The following FRMPD1 variants were observed in gnomAD, a reference collection of about 807,000 sequenced individuals.
The protein encoded by FRMPD1 is FERM and PDZ domain-containing protein 1.
In FRMPD1, 76 loss-of-function variants were observed where a neutral mutation model predicts 117.8. The ratio of observed to expected loss-of-function variants is 0.65; its 90% confidence interval spans 0.54 to 0.78. The LOEUF is 0.78. Ranked by LOEUF, FRMPD1 falls within the 30% of genes least tolerant of loss-of-function variation. FRMPD1 has a pLI of 0.00. For synonymous variants in FRMPD1, 783 were observed against 770.4 expected (o/e 1.02, Z -0.27); for missense variants, 1,786 against 1,964.5 (o/e 0.91, Z 1.72).
chr9:37,746,324 A>C lies in FRMPD1; in HGVS notation c.4292A>C (p.Glu1431Ala). Residue 1431 changes from glutamate to alanine, a missense_variant, in exon 16 of 16, where the codon GAG becomes GCG. By Grantham distance (107) the Glu-to-Ala change is moderately radical. Coordinates refer to ENST00000377765, the MANE Select transcript of FRMPD1 (RefSeq NM_014907.3). The part of the protein sequence containing the change: ...GFIQLMESLL[E>A]LQDILETSWG... ...ATCCAACTCATGGAGAGCTTGCTGG[A>C]GCTACAAGACATTTTAGAAACTTCC... is the stretch of plus-strand genomic sequence containing the variant. 6.2e-7 allele frequency: 1 copy of C among 1,612,760 alleles called. No homozygotes were observed. The highest frequency in any genetic ancestry group is 8.5e-7 in the Non-Finnish European group (1 of 1,179,782).
At chr9:37,615,426 C>T in the FRMPD1 span, among the ~76,000 whole-genome samples, 1 of 151,952 alleles carries the variant, frequency 6.6e-6, no homozygotes. Flanking sequence ...ATTTTCTTAG[C>T]TCGTCAACCT....
At chr9:37,666,666 C>T (rs1316819497) in intron 1 of FRMPD1, among the ~76,000 whole-genome samples, 1 of 152,216 alleles carries the variant, frequency 6.6e-6, no homozygotes, top group South Asian at 2.1e-4. Context: ...ACCAAACTCC[C>T]AGGTGTTCTA....
At chr9:37,647,811 C>T (rs1824169994), upstream of FRMPD1, among the ~76,000 whole-genome samples, 1 of 152,088 alleles carries the variant, frequency 6.6e-6, no homozygotes, top group African/African-American at 2.4e-5. Flanking sequence ...TATTTTTGAC[C>T]AGGATTTAAA....
Position 37,664,088 on chromosome 9 carries a change from AC to A in FRMPD1, c.-5+12995del, listed in dbSNP as rs558891820. On this transcript the variant is annotated intron_variant, in intron 1 of 15. Transcript: ENST00000377765. ...GAGCTATCACCTGAATAAATGAATA[AC>A]TGAATAAATGACTGATTATTAGGTT... Among the ~76,000 whole-genome samples, 297 of 152,234 alleles carry A rather than the reference AC, an allele frequency of 2.0e-3. 2 individuals carry two copies. The highest frequency in any genetic ancestry group is 6.7e-3 in the African/African-American group (280 of 41,534).
chr9:37,610,318 TA>T, the FRMPD1 span, among the ~76,000 whole-genome samples: 1 of 152,358 alleles, frequency 6.6e-6, no homozygotes, highest in South Asian at 2.1e-4. Flanking sequence ...CTCTTTTTTT[TA>T]CTTCAGTATC....
At chr9:37,686,013 A>G (rs1821928920) in intron 1 of FRMPD1, among the ~76,000 whole-genome samples, 1 of 152,198 alleles carries the variant, frequency 6.6e-6, no homozygotes, top group Non-Finnish European at 1.5e-5. Flanking sequence ...AGTCTTCTCC[A>G]TTTACAAAAT....
intron 4 of FRMPD1, among the ~76,000 whole-genome samples, chr9:37,709,362 CT>C (rs199672511): frequency 1.3e-5 from 2 of 149,066 alleles, no homozygotes; most frequent in South Asian, 2.1e-4. Context: ...TTTTTTTTCC[CT>C]TTTTTTTTGA....
At chr9:37,679,987 C>T (rs2117916883) in intron 1 of FRMPD1, among the ~76,000 whole-genome samples, 1 of 152,316 alleles carries the variant, frequency 6.6e-6, no homozygotes, top group South Asian at 2.1e-4. Flanking sequence ...CAGCCCTTTC[C>T]CACACCCTTT....
chr9:37,686,126 G>A (rs1171005808), intron 1 of FRMPD1, among the ~76,000 whole-genome samples: 7 of 152,206 alleles, frequency 4.6e-5, no homozygotes, highest in Non-Finnish European at 8.8e-5. Context: ...CCAAGTTGAT[G>A]TGTGCTCTAA....
the FRMPD1 span, among the ~76,000 whole-genome samples, chr9:37,644,843 C>G: frequency 1.3e-5 from 2 of 152,082 alleles, no homozygotes; most frequent in Non-Finnish European, 1.5e-5. Context: ...TGGTGTTTTA[C>G]AAACTGAAAA....
chr9:37,610,140 G>C, the FRMPD1 span, among the ~76,000 whole-genome samples: 4 of 152,194 alleles, frequency 2.6e-5, no homozygotes, highest in Non-Finnish European at 1.5e-5. Context: ...TAGAATGTCA[G>C]CTCCATGAAT....
intron 11 of FRMPD1, 58 bp from the exon 12 acceptor site, chr9:37,733,672 C>T (rs963157872): frequency 3.9e-5 from 63 of 1,595,664 alleles, no homozygotes; most frequent in African/African-American, 8.1e-5. Flanking sequence ...TTCAACACTG[C>T]CTGGATTTTA....
At chr9:37,676,658 C>G (rs1217503159) in intron 1 of FRMPD1, among the ~76,000 whole-genome samples, 3 of 152,104 alleles carry the variant, frequency 2.0e-5, no homozygotes, top group African/African-American at 7.2e-5. Flanking sequence ...ATTAAGACAG[C>G]CAGAGTGGCC....
chr9:37,628,368 A>G, the FRMPD1 span, among the ~76,000 whole-genome samples: 1 of 152,202 alleles, frequency 6.6e-6, no homozygotes, highest in Non-Finnish European at 1.5e-5. Flanking sequence ...GACAAAAGAG[A>G]ACTTGTAAAC....
At chr9:37,619,030 T>G in the FRMPD1 span, among the ~76,000 whole-genome samples, 5 of 152,176 alleles carry the variant, frequency 3.3e-5, no homozygotes, top group Non-Finnish European at 7.3e-5. Flanking sequence ...AGCACAGGAT[T>G]TATGTGGAGT....
chr9:37,688,118 A>G (rs1822010987), intron 1 of FRMPD1, among the ~76,000 whole-genome samples: 1 of 151,886 alleles, frequency 6.6e-6, no homozygotes, highest in Admixed American at 6.6e-5. Context: ...TGATGGATTT[A>G]TGTGTGATAT....
In FRMPD1 at chr9:37,732,361, C is replaced by T; in HGVS notation, c.916C>T (p.Leu306Phe). Residue 306 changes from leucine to phenylalanine, a missense_variant, in exon 10 of 16, where the codon CTC becomes TTC. Physicochemically the swap from Leu to Phe is conservative, Grantham distance 22. Transcript: ENST00000377765. ...TGTAGAAATGAAATGTAGCTCTGCA[C>T]TCCGACTCGCGGCTCTGCACATCCA... The part of the protein sequence containing the change: ...FAVEMKCSSA[L>F]RLAALHIQER... 6.2e-7 allele frequency: 1 copy of T among 1,613,862 alleles called. No homozygotes were observed. Among genetic ancestry groups the T allele is most frequent in the Non-Finnish European group, 8.5e-7 (1 of 1,179,934 alleles).
Position 37,711,385 on chromosome 9 carries a change from G to C in FRMPD1, c.398G>C (p.Arg133Pro), listed in dbSNP as rs140966026. ...AEDSLSITVV[R>P]CTSGVPKSSF... ...GATTCTCTTTCAATCACAGTTGTTC[G>C]CTGCACGTCGGTAAATCTCTTTCTA... The change falls in exon 5 of 16, where the codon CGC becomes CCC. Residue 133 changes from arginine (R) to proline (P), a missense_variant. Transcript: ENST00000377765. 6 of 1,608,112 alleles carry C rather than the reference G, an allele frequency of 3.7e-6. No individual in the cohort carries two copies. Among genetic ancestry groups the C allele is most frequent in the Non-Finnish European group, 5.1e-6 (6 of 1,174,660 alleles).
the FRMPD1 span, among the ~76,000 whole-genome samples, chr9:37,614,850 C>G: frequency 1.3e-5 from 2 of 152,190 alleles, no homozygotes; most frequent in East Asian, 1.9e-4. Flanking sequence ...CAAGGGATGC[C>G]TAAGTCCAAT....
Sources: gnomAD v4.1 joint callset for allele counts (sites outside exome capture counted in the v4.1 genomes callset) on GRCh38, gnomAD v4.1.1 for gene constraint, MANE v1.5 for transcripts, NCBI Gene and HGNC (gene_info 2026-07-23, HGNC 2026-07-21) for gene names.